PPIL3: variants seen among roughly 807,000 people sequenced by gnomAD.
PPIL3 encodes the protein peptidylprolyl isomerase like 3.
PPIL3 carries 13 observed loss-of-function variants against 20.9 expected under a neutral mutation model. That is an observed-to-expected ratio of 0.62 (90% CI 0.40 to 0.99). PPIL3 has a LOEUF of 0.99. Among genes scored for constraint, PPIL3 ranks in the 50% least tolerant of loss-of-function variants. The pLI, the probability that PPIL3 is intolerant of heterozygous loss-of-function variation, is 0.00. For missense variants in PPIL3, 170 were observed against 195.2 expected (o/e 0.87, Z 0.77); for synonymous variants, 71 against 64.4 (o/e 1.10, Z -0.49).
chr2:200,874,097 T>C (rs977998577), intron 6 of PPIL3, among the ~76,000 whole-genome samples: 25 of 149,422 alleles, frequency 1.7e-4, no homozygotes, highest in South Asian at 8.5e-4. Flanking sequence ...CCCAGCTACT[T>C]GGGAGGCTGA....
At chr2:200,889,277 T>G (rs953301358), upstream of PPIL3, 2 of 314,930 alleles carry the variant, frequency 6.4e-6, no homozygotes, top group Non-Finnish European at 6.4e-6. Flanking sequence ...TACACTCGGC[T>G]GCCAAACGGA....
At chr2:200,879,596 A>G (rs959955626) in intron 5 of PPIL3, among the ~76,000 whole-genome samples, 3 of 152,150 alleles carry the variant, frequency 2.0e-5, no homozygotes, top group African/African-American at 2.4e-5. Flanking sequence ...ACACTTTGGG[A>G]GGCCAAGACA....
At chr2:200,884,884 T>G (rs1359489073) in intron 3 of PPIL3, 1 of 151,060 alleles carries the variant, frequency 6.6e-6, no homozygotes, top group Non-Finnish European at 1.5e-5. Flanking sequence ...GTCAACATGG[T>G]GAAACCCCGT....
intron 5 of PPIL3, among the ~76,000 whole-genome samples, chr2:200,879,643 T>C (rs926508200): frequency 5.3e-5 from 8 of 152,166 alleles, no homozygotes; most frequent in Admixed American, 5.2e-4. Flanking sequence ...CAGACCAGAC[T>C]GGGCAACAGA....
In PPIL3 at chr2:200,871,202, C is replaced by A; in HGVS notation, c.*193G>T. ...AAATTAAAGAAATATGTTGGATAAT[C>A]ATTATAATAAAGAATATGCTCTAAG... On this transcript the variant is annotated 3_prime_UTR_variant, in exon 7 of 7. Transcript: ENST00000392283. 2.3e-6 allele frequency: 1 copy of A among 427,486 alleles called. No individual in the cohort carries two copies. The allele number at this position is 427,486 out of a possible 1,614,324, so 26.5% of individuals were successfully genotyped here. A position where few individuals can be genotyped will look rare whatever the true frequency, so the allele number is the denominator to read the frequency against.
intron 6 of PPIL3, among the ~76,000 whole-genome samples, chr2:200,873,713 G>T (rs537095928): frequency 6.7e-6 from 1 of 150,364 alleles, no homozygotes; most frequent in African/African-American, 2.4e-5. Flanking sequence ...TGATCTGCCC[G>T]CCTTGGCCTC....
intron 6 of PPIL3, among the ~76,000 whole-genome samples, chr2:200,872,319 C>G (rs1456899746): frequency 6.6e-6 from 1 of 152,112 alleles, no homozygotes; most frequent in African/African-American, 2.4e-5. Flanking sequence ...CGCTTCCATG[C>G]TCTTCTCGGG....
At chr2:200,885,796 A>G in intron 2 of PPIL3, 24 bp from the exon 3 acceptor site, 1 of 1,419,538 alleles carries the variant, frequency 7.0e-7, no homozygotes, top group Non-Finnish European at 9.8e-7. Flanking sequence ...AAAATGTGAG[A>G]ACAAATGAAA....
At chr2:200,877,326 A>T (rs1004936097) in intron 5 of PPIL3, among the ~76,000 whole-genome samples, 1 of 152,202 alleles carries the variant, frequency 6.6e-6, no homozygotes. Context: ...ACTTCTCTCT[A>T]TTAGGGATAA....
chr2:200,873,118 T>C (rs1438414557), intron 6 of PPIL3, among the ~76,000 whole-genome samples: 14 of 152,116 alleles, frequency 9.2e-5, no homozygotes, highest in Non-Finnish European at 2.9e-5. Context: ...TCCGCCCGCC[T>C]TGGCCTCCCA....
intron 2 of PPIL3, among the ~76,000 whole-genome samples, chr2:200,886,624 C>T (rs1469575348): frequency 1.3e-5 from 2 of 152,102 alleles, no homozygotes; most frequent in Non-Finnish European, 2.9e-5. Context: ...CAGGGTTTCA[C>T]CATGTTGGCC....
chr2:200,888,118 A>G (rs1360657193), intron 1 of PPIL3, among the ~76,000 whole-genome samples: 1 of 151,658 alleles, frequency 6.6e-6, no homozygotes, highest in Non-Finnish European at 1.5e-5. Flanking sequence ...CGGCTATAGA[A>G]GATATCCTAC....
At chr2:200,888,917 G>C (rs1559346173) in intron 1 of PPIL3, 39 bp downstream of exon 1, 1 of 471,146 alleles carries the variant, frequency 2.1e-6, no homozygotes, top group Non-Finnish European at 4.4e-6. Context: ...GCAAGCATTC[G>C]AATAAGTGAA....
At chr2:200,884,907 A>G (rs1183395265) in intron 3 of PPIL3, 3 of 149,366 alleles carry the variant, frequency 2.0e-5, no homozygotes, top group Non-Finnish European at 4.5e-5. Context: ...CTACTAAAAA[A>G]ATATAAAAAT....
At chr2:200,887,423 T>G (rs1447014579) in intron 2 of PPIL3, among the ~76,000 whole-genome samples, 190 bp downstream of exon 2, 3 of 150,534 alleles carry the variant, frequency 2.0e-5, no homozygotes, top group Non-Finnish European at 4.4e-5. Context: ...GCATTTTAAG[T>G]GACAACATTA....
chr2:200,881,560 A>C (rs958937529), intron 4 of PPIL3, 72 bp from the exon 5 acceptor site: 1 of 1,296,422 alleles, frequency 7.7e-7, no homozygotes, highest in South Asian at 1.2e-5. Flanking sequence ...CCCAAAACTT[A>C]AGGAATACTT....
Position 200,887,693 on chromosome 2 carries a change from C to A in PPIL3, c.-70-8G>T. On this transcript the variant is annotated splice_polypyrimidine_tract_variant and splice_region_variant and intron_variant, in intron 1 of 6. Coordinates refer to ENST00000392283, the MANE Select transcript of PPIL3 (RefSeq NM_130906.3). ...GAGCTCAAAAATAAGTCTCTAGTCC[C>A]AAAAGAAAAAAAGAATTAGGCTCAT... The A allele has an allele frequency of 1.6e-6, 2 of 1,221,060 alleles. No individual in the cohort carries two copies. The highest frequency in any genetic ancestry group is 2.3e-6 in the Non-Finnish European group (2 of 864,528). The allele number at this position is 1,221,060 out of a possible 1,614,324, so 75.6% of individuals were successfully genotyped here.
chr2:200,872,732 A>C (rs1196863934), intron 6 of PPIL3, among the ~76,000 whole-genome samples: 2 of 152,218 alleles, frequency 1.3e-5, no homozygotes, highest in African/African-American at 4.8e-5. Context: ...TGAAGTCCAA[A>C]TATGTATGTC....
At chr2:200,873,944 G>A (rs963830223) in intron 6 of PPIL3, among the ~76,000 whole-genome samples, 5 of 151,536 alleles carry the variant, frequency 3.3e-5, no homozygotes, top group South Asian at 2.1e-4. Flanking sequence ...AGTGGCTCAC[G>A]CCTGTAATCT....
Sources: gnomAD v4.1 joint callset for allele counts (sites outside exome capture counted in the v4.1 genomes callset) on GRCh38, gnomAD v4.1.1 for gene constraint, MANE v1.5 for transcripts, NCBI Gene and HGNC (gene_info 2026-07-23, HGNC 2026-07-21) for gene names.